UGP2: variants seen among roughly 807,000 people sequenced by gnomAD.
The protein encoded by UGP2 is UTP--glucose-1-phosphate uridylyltransferase.
In UGP2, 40 loss-of-function variants were observed where a neutral mutation model predicts 49.0. The ratio of observed to expected loss-of-function variants is 0.82; its 90% CI spans 0.63 to 1.06. The LOEUF (loss-of-function observed/expected upper bound fraction) is 1.06. UGP2 is among the 50% of genes least tolerant of loss of function. UGP2 has a pLI of 0.00. For synonymous variants in UGP2, 225 were observed against 213.0 expected, an observed-to-expected ratio of 1.06 and a Z score of -0.49; for missense variants, 460 against 603.5, an observed-to-expected ratio of 0.76 and a Z score of 2.49.
At chr2:63,853,661 T>G (rs1669187020) in intron 1 of UGP2, among the ~76,000 whole-genome samples, 1 of 152,266 alleles carries the variant, frequency 6.6e-6, no homozygotes, top group Admixed American at 6.5e-5. Flanking sequence ...TTTGCGCCAG[T>G]GTCAGGGTGT....
intron 3 of UGP2, among the ~76,000 whole-genome samples, chr2:63,870,684 A>G (rs1464303306): frequency 6.6e-6 from 1 of 152,208 alleles, no homozygotes; most frequent in Non-Finnish European, 1.5e-5. Context: ...TTATTCATTT[A>G]TTCGCTTATT....
chr2:63,875,163 G>C (rs1003800468), intron 3 of UGP2, among the ~76,000 whole-genome samples: 4 of 152,204 alleles, frequency 2.6e-5, no homozygotes, highest in Non-Finnish European at 5.9e-5. Context: ...CACAAACCCT[G>C]TGCAGTAGCA....
intron 1 of UGP2, among the ~76,000 whole-genome samples, chr2:63,854,061 G>GA (rs544189712): frequency 6.8e-4 from 104 of 152,154 alleles, no homozygotes; most frequent in Middle Eastern, 6.8e-3. Flanking sequence ...GCCAGGCCAG[G>GA]AAAAAAACAT....
rs946316689 is a variant in UGP2, at chr2:63,857,666, T to C, written c.148-163T>C. 31 of 736,038 alleles carry C rather than the reference T, an allele frequency of 4.2e-5. No homozygotes were observed. In the African/African-American group the frequency reaches 5.1e-4, roughly 12 times the overall value. 45.6% of individuals were successfully genotyped at this position (736,038 alleles called of 1,614,324 possible). ...AGGCATGCACCAACTACGCCCAGCC[T>C]GTATTAGCTTTTAGGATGTGAAAAA... On this transcript the variant is annotated intron_variant, in intron 2 of 9. Transcript: ENST00000337130.
chr2:63,865,532 ATT>A (rs11418488), intron 3 of UGP2, among the ~76,000 whole-genome samples: 6 of 128,204 alleles, frequency 4.7e-5, no homozygotes, highest in Non-Finnish European at 3.2e-5. Flanking sequence ...GCTTGGGTCT[ATT>A]TTTTTTTTTT....
chr2:63,885,278 GA>G (rs1671599642), intron 5 of UGP2, among the ~76,000 whole-genome samples: 1 of 152,026 alleles, frequency 6.6e-6, no homozygotes, highest in Non-Finnish European at 1.5e-5. Context: ...ATAAGTTTGA[GA>G]AAATTTACTT....
intron 3 of UGP2, among the ~76,000 whole-genome samples, chr2:63,877,242 A>G (rs778907140): frequency 5.9e-5 from 9 of 152,222 alleles, no homozygotes; most frequent in Admixed American, 2.6e-4. Flanking sequence ...GAGGAGCAAG[A>G]TATTTTCCAA....
At chr2:63,855,518 C>CTGTTTTTTTTTTTTTTTTTTTTT in intron 1 of UGP2, 2 of 175,118 alleles carry the variant, frequency 1.1e-5, no homozygotes, top group Non-Finnish European at 2.1e-5. Flanking sequence ...GTTTCTTTTT[C>CTGTTTTTTTTTTTTTTTTTTTTT]TGTTTTTTTT....
At chr2:63,885,081 C>T (rs1241366146) in intron 5 of UGP2, among the ~76,000 whole-genome samples, 8 of 139,548 alleles carry the variant, frequency 5.7e-5, no homozygotes, top group East Asian at 2.2e-4. Context: ...TGCTAGCTCC[C>T]GTTTTCCTCT....
At chr2:63,851,495 A>G (rs1221408696) in intron 1 of UGP2, among the ~76,000 whole-genome samples, 3 of 152,236 alleles carry the variant, frequency 2.0e-5, no homozygotes, top group African/African-American at 7.2e-5. Flanking sequence ...CACCATCAAA[A>G]TGACAGAAGC....
At chr2:63,873,856 A>C (rs936953595) in intron 3 of UGP2, among the ~76,000 whole-genome samples, 10 of 152,236 alleles carry the variant, frequency 6.6e-5, no homozygotes, top group Admixed American at 5.9e-4. Context: ...GAGGCAATCC[A>C]GAGTTAGTAA....
intron 1 of UGP2, among the ~76,000 whole-genome samples, chr2:63,843,052 C>T (rs1435939810): frequency 6.6e-6 from 1 of 152,126 alleles, no homozygotes; most frequent in Non-Finnish European, 1.5e-5. Context: ...TTGATGAACA[C>T]ACAGCTAGTA....
intron 1 of UGP2, among the ~76,000 whole-genome samples, chr2:63,851,792 G>GAT (rs1669058637): frequency 6.6e-6 from 1 of 152,098 alleles, no homozygotes. Flanking sequence ...CCTGAAGTAG[G>GAT]ATATGCAGGG....
At position 63,842,143 on chromosome 2, in the gene UGP2, GAAAAA is replaced by G; in HGVS notation, c.-32_-28del. ...CCTGCCCTGTAGCGTGACTCCTCTA[GAAAAA>G]AAAAAAAAAAGCCGGAGTATTTTAC... On this transcript the variant is annotated 5_prime_UTR_variant, in exon 1 of 10. Transcript: ENST00000337130. The G allele has an allele frequency of 4.1e-6, 6 of 1,461,488 alleles. No homozygotes were observed. Among genetic ancestry groups the G allele is most frequent in the Admixed American group, 2.3e-5 (1 of 43,358 alleles). The allele number at this position is 1,461,488 out of a possible 1,614,324, so 90.5% of individuals were successfully genotyped here.
intron 3 of UGP2, among the ~76,000 whole-genome samples, chr2:63,875,567 C>T (rs941415358): frequency 2.6e-5 from 4 of 152,148 alleles, no homozygotes; most frequent in Non-Finnish European, 5.9e-5. Flanking sequence ...AATCTCATTC[C>T]ACTTTCTGCA....
chr2:63,883,863 T>G (rs1671484105), intron 4 of UGP2, 97 bp from the exon 5 acceptor site: 1 of 1,445,994 alleles, frequency 6.9e-7, no homozygotes, highest in Non-Finnish European at 9.3e-7. Context: ...AGATGATGTT[T>G]TAGATATTTT....
intron 3 of UGP2, among the ~76,000 whole-genome samples, chr2:63,877,089 T>C (rs529130013): frequency 5.2e-5 from 8 of 152,384 alleles, no homozygotes; most frequent in African/African-American, 1.9e-4. Context: ...TTTAGAAATT[T>C]AGTAACCAAG....
chr2:63,871,907 A>G (rs938169283), intron 3 of UGP2, among the ~76,000 whole-genome samples: 2 of 152,236 alleles, frequency 1.3e-5, no homozygotes, highest in African/African-American at 4.8e-5. Context: ...TTCTTAAATC[A>G]GGGGTTGGCA....
chr2:63,844,753 GCTT>G (rs999594449), intron 1 of UGP2, among the ~76,000 whole-genome samples: 3 of 152,114 alleles, frequency 2.0e-5, no homozygotes, highest in African/African-American at 7.2e-5. Context: ...AAAGAGACAG[GCTT>G]TCCCTATGTT....
Sources: gnomAD v4.1 joint callset for allele counts (sites outside exome capture counted in the v4.1 genomes callset) on GRCh38, gnomAD v4.1.1 for gene constraint, MANE v1.5 for transcripts, NCBI Gene and HGNC (gene_info 2026-07-23, HGNC 2026-07-21) for gene names.